IL1RAPL1: variants seen among roughly 807,000 people sequenced by gnomAD.
IL1RAPL1 encodes the protein interleukin-1 receptor accessory protein-like 1.
A neutral mutation model predicts 48.4 loss-of-function variants in IL1RAPL1; 3 were observed. The observed-to-expected ratio is 0.06, with a 90% CI of 0.03 to 0.16. The LOEUF is 0.16. Among genes scored for constraint, IL1RAPL1 ranks in the 10% least tolerant of loss-of-function variants. The pLI, the probability that IL1RAPL1 is intolerant of heterozygous loss-of-function variation, is 1.00. For synonymous variants in IL1RAPL1, 185 were observed against 187.7 expected, an observed-to-expected ratio of 0.99 and a Z score of 0.12; for missense variants, 349 against 530.6, an observed-to-expected ratio of 0.66 and a Z score of 3.36.
chrX:29,090,518 G>A (rs1390502023), intron 2 of IL1RAPL1, among the ~76,000 whole-genome samples: 3 of 103,501 alleles, frequency 2.9e-5, no homozygotes, highest in Non-Finnish European at 4.2e-5. Context: ...GAGGAAAAAA[G>A]ACATTTTGGT....
chrX:29,845,670 C>T (rs950165945), intron 6 of IL1RAPL1, among the ~76,000 whole-genome samples: 2 of 110,708 alleles, frequency 1.8e-5, no homozygotes, highest in Non-Finnish European at 3.8e-5. Context: ...ACCCCCAACA[C>T]GCAACTACTG....
At chrX:28,752,434 G>A (rs923332583) in intron 1 of IL1RAPL1, among the ~76,000 whole-genome samples, 1 of 112,215 alleles carries the variant, frequency 8.9e-6, no homozygotes, top group East Asian at 2.8e-4. Context: ...TGGGAGAATA[G>A]GATTCAGGTG....
At chrX:28,719,279 A>G (rs1472987215) in intron 1 of IL1RAPL1, among the ~76,000 whole-genome samples, 2 of 111,270 alleles carry the variant, frequency 1.8e-5, no homozygotes, top group African/African-American at 6.5e-5. Flanking sequence ...TTATAAATCA[A>G]TAAGATAATA....
intron 10 of IL1RAPL1, among the ~76,000 whole-genome samples, 176 bp downstream of exon 10, chrX:29,954,868 GAA>G (rs1933387652): frequency 8.9e-6 from 1 of 111,935 alleles, no homozygotes; most frequent in South Asian, 3.7e-4. Flanking sequence ...CTAGCTCAGA[GAA>G]AAGATACTCC....
intron 5 of IL1RAPL1, among the ~76,000 whole-genome samples, chrX:29,660,631 G>A (rs1249346463): frequency 9.0e-6 from 1 of 111,641 alleles, no homozygotes; most frequent in Admixed American, 9.5e-5. Context: ...TGTAAAAAAT[G>A]AGTTGGCTGT....
intron 6 of IL1RAPL1, among the ~76,000 whole-genome samples, chrX:29,847,803 A>G (rs1931278854): frequency 8.9e-6 from 1 of 111,983 alleles, no homozygotes; most frequent in African/African-American, 3.2e-5. Context: ...CAGAAATACA[A>G]AAACATGAGA....
chrX:29,452,667 A>G (rs1200572900), intron 5 of IL1RAPL1, among the ~76,000 whole-genome samples: 5 of 111,291 alleles, frequency 4.5e-5, no homozygotes, highest in Non-Finnish European at 9.4e-5. Flanking sequence ...GCCATATCAC[A>G]AGTGCCTATA....
At chrX:28,786,915 T>G (rs1161636655) in intron 1 of IL1RAPL1, among the ~76,000 whole-genome samples, 1 of 112,245 alleles carries the variant, frequency 8.9e-6, no homozygotes, top group Admixed American at 9.5e-5. Flanking sequence ...ATAGCAAAAC[T>G]TGGATGTCTA....
At chrX:28,964,406 A>G (rs769943877) in intron 2 of IL1RAPL1, among the ~76,000 whole-genome samples, 4 of 111,780 alleles carry the variant, frequency 3.6e-5, no homozygotes, top group Non-Finnish European at 5.7e-5. Flanking sequence ...TACGATGGAT[A>G]TATTTTCCAC....
intron 2 of IL1RAPL1, among the ~76,000 whole-genome samples, chrX:28,963,174 C>T (rs1425121485): frequency 1.8e-5 from 2 of 111,178 alleles, no homozygotes. Context: ...ACTGCCTCAA[C>T]GTTATTTGAC....
intron 3 of IL1RAPL1, among the ~76,000 whole-genome samples, chrX:29,349,694 C>T (rs745457694): frequency 9.0e-6 from 1 of 110,910 alleles, no homozygotes; most frequent in South Asian, 3.9e-4. Flanking sequence ...CCTAGTTCTA[C>T]ATCTTGGGAC....
At chrX:29,001,266 A>G (rs1186721963) in intron 2 of IL1RAPL1, among the ~76,000 whole-genome samples, 7 of 112,114 alleles carry the variant, frequency 6.2e-5, no homozygotes, top group African/African-American at 2.3e-4. Context: ...CTCTGATACA[A>G]AAGACACCCT....
At chrX:28,656,645 G>A (rs1934750172) in intron 1 of IL1RAPL1, among the ~76,000 whole-genome samples, 1 of 111,473 alleles carries the variant, frequency 9.0e-6, no homozygotes, top group African/African-American at 3.3e-5. Context: ...AGAGGCCTTC[G>A]GTGACCTCTT....
At chrX:29,369,353 G>T (rs1191692264) in intron 3 of IL1RAPL1, 2 of 111,005 alleles carry the variant, frequency 1.8e-5, no homozygotes, top group African/African-American at 6.5e-5. Context: ...TGATTGAAAA[G>T]GTGCCTGCAT....
At chrX:28,659,319 C>A in intron 1 of IL1RAPL1, 1 of 551,762 alleles carries the variant, frequency 1.8e-6, no homozygotes, top group Non-Finnish European at 3.3e-6. Context: ...TGACTAATTT[C>A]ACGAAGTGCC....
rs1300551757 is a variant in IL1RAPL1, at chrX:29,405,443, T to C, written c.703+6135T>C. Among the ~76,000 whole-genome samples the C allele has an allele frequency of 8.5e-4, 80 of 94,644 alleles. 2 individuals carry two copies. Among genetic ancestry groups the C allele is most frequent in the Non-Finnish European group, 1.4e-3 (71 of 50,331 alleles). The allele number at this position is 94,644 out of a possible 115,157, so 82.2% of individuals were successfully genotyped here. A position where few individuals can be genotyped will look rare whatever the true frequency, so the allele number is the denominator to read the frequency against. On this transcript the variant is annotated intron_variant, in intron 5 of 10. Transcript: ENST00000378993. Reference sequence around the variant, plus strand: ...GTGCAGTGGCGGGATCTCGGCTCACTGCAAGCTCCGCCTCCCGGGTTCACG... The same window carrying C: ...GTGCAGTGGCGGGATCTCGGCTCACCGCAAGCTCCGCCTCCCGGGTTCACG...
chrX:29,171,066 G>C, intron 2 of IL1RAPL1, among the ~76,000 whole-genome samples: 1 of 110,626 alleles, frequency 9.0e-6, no homozygotes, highest in African/African-American at 3.3e-5. Context: ...GCACGATCTC[G>C]GCTCACTGCA....
chrX:29,647,494 T>C (rs1925371945), intron 5 of IL1RAPL1, among the ~76,000 whole-genome samples: 1 of 111,629 alleles, frequency 9.0e-6, no homozygotes, highest in African/African-American at 3.3e-5. Context: ...AAGATGTAAA[T>C]TGTGACATCA....
intron 2 of IL1RAPL1, among the ~76,000 whole-genome samples, chrX:29,282,195 A>G (rs912198570): frequency 8.0e-5 from 9 of 112,308 alleles, no homozygotes; most frequent in African/African-American, 2.9e-4. Context: ...GCAAAAGAGA[A>G]CCATAAATAA....
Sources: allele counts gnomAD v4.1 joint callset (sites outside exome capture counted in the v4.1 genomes callset), GRCh38; gene constraint gnomAD v4.1.1; transcripts MANE v1.5; gene names NCBI Gene and HGNC (gene_info 2026-07-23, HGNC 2026-07-21).